The following STK4 variants were observed in gnomAD, a reference collection of about 807,000 sequenced individuals.
The protein encoded by STK4 is serine/threonine kinase 4.
In STK4, 30 loss-of-function variants were observed where a neutral mutation model predicts 64.9. The ratio of observed to expected loss-of-function variants is 0.46; its 90% CI spans 0.35 to 0.63. The LOEUF (loss-of-function observed/expected upper bound fraction) is 0.63, where lower values mean the gene tolerates loss of function less well. STK4 is among the 20% of genes least tolerant of loss of function. The probability of loss-of-function intolerance (pLI) is 0.01; values close to 1 mark genes in which losing one functional copy is unlikely to be tolerated. For synonymous variants in STK4, 177 were observed against 199.0 expected (o/e 0.89, Z 0.93); for missense variants, 466 against 598.5 (o/e 0.78, Z 2.31).
intron 3 of STK4, 53 bp downstream of exon 3, chr20:44,978,624 A>T (rs1371522277): frequency 2.5e-6 from 4 of 1,588,574 alleles, no homozygotes; most frequent in Non-Finnish European, 3.4e-6. Flanking sequence ...ATTAGCTATG[A>T]TTGTGTAGAG....
At chr20:45,033,452 C>T (rs1054931159) in intron 10 of STK4, among the ~76,000 whole-genome samples, 2 of 151,922 alleles carry the variant, frequency 1.3e-5, no homozygotes, top group Non-Finnish European at 2.9e-5. Context: ...TTTTTGTATA[C>T]GGTTTAAGGA....
In STK4 at chr20:44,997,225, G is replaced by A. The variant is rs2067748280; in HGVS notation, c.750G>A (p.Trp250Ter). 1.9e-6 allele frequency: 3 copies of A among 1,614,012 alleles called. No homozygotes were observed. Among genetic ancestry groups the A allele is most frequent in the Non-Finnish European group, 2.5e-6 (3 of 1,179,932 alleles). ...CCACATTCCGAAAACCAGAGCTATG[G>A]TCAGATAACTTTACAGATTTTGTGA... is the stretch of plus-strand genomic sequence containing the variant. ...PPPTFRKPEL[W>*]SDNFTDFVKQ... Residue 250 changes from tryptophan to a stop codon, truncating the protein, a stop_gained, in exon 7 of 11, where the codon TGG (tryptophan) becomes TGA (stop). Coordinates refer to ENST00000372806, the MANE Select transcript of STK4 (RefSeq NM_006282.5). LOFTEE classifies it high-confidence loss of function.
intron 2 of STK4, 42 bp downstream of exon 2, chr20:44,972,200 C>T: frequency 6.5e-7 from 1 of 1,536,632 alleles, no homozygotes; most frequent in Non-Finnish European, 9.0e-7. Context: ...GGGTCCCAGT[C>T]TTTTTCCTGC....
intron 10 of STK4, among the ~76,000 whole-genome samples, chr20:45,062,933 G>A (rs1347772994): frequency 1.6e-5 from 2 of 123,274 alleles, no homozygotes; most frequent in African/African-American, 6.3e-5. Context: ...CTCGTGATCC[G>A]CCCGCCTCGG....
intron 10 of STK4, among the ~76,000 whole-genome samples, chr20:45,027,430 C>CAAAA (rs35208496): frequency 2.5e-5 from 2 of 79,394 alleles, no homozygotes; most frequent in African/African-American, 9.5e-5. Flanking sequence ...AACTCCGTCT[C>CAAAA]AAAAAAAAAA....
chr20:45,019,219 C>T (rs1034420811), intron 9 of STK4, among the ~76,000 whole-genome samples: 20 of 152,158 alleles, frequency 1.3e-4, no homozygotes, highest in African/African-American at 4.8e-4. Flanking sequence ...GCCTCTCACC[C>T]CCAGGCAACC....
intron 2 of STK4, 86 bp downstream of exon 2, chr20:44,972,244 C>A: frequency 1.6e-6 from 2 of 1,241,334 alleles, no homozygotes; most frequent in South Asian, 1.3e-5. Flanking sequence ...AACCTTTCAG[C>A]ATTGTTCTAG....
In STK4 at chr20:45,079,002, A is replaced by G. The variant is rs570627528; in HGVS notation, c.*3826A>G. 1 of 152,206 alleles carries G rather than the reference A, an allele frequency of 6.6e-6. No individual in the cohort carries two copies. Among genetic ancestry groups the G allele is most frequent in the East Asian group, 1.9e-4 (1 of 5,176 alleles). 9.4% of individuals were successfully genotyped at this position (152,206 alleles called of 1,614,324 possible). On this transcript the variant is annotated 3_prime_UTR_variant, in exon 11 of 11. Coordinates refer to ENST00000372806, the MANE Select transcript of STK4 (RefSeq NM_006282.5). Reference sequence around the variant, plus strand: ...AGTACCAAAATTCATTCAAGAAGAAATAGATACCAGCCTGAGCAACATGGC... The same window carrying G: ...AGTACCAAAATTCATTCAAGAAGAAGTAGATACCAGCCTGAGCAACATGGC...
intron 10 of STK4, among the ~76,000 whole-genome samples, chr20:45,052,138 CT>C (rs1262798044): frequency 1.3e-5 from 2 of 152,106 alleles, no homozygotes; most frequent in Non-Finnish European, 2.9e-5. Flanking sequence ...TTATTTTCTT[CT>C]TTTTTGGTGT....
At chr20:45,018,897 T>A (rs1049591730) in intron 9 of STK4, among the ~76,000 whole-genome samples, 48 of 150,724 alleles carry the variant, frequency 3.2e-4, no homozygotes, top group African/African-American at 1.1e-3. Context: ...CCAGCTAATT[T>A]AAAAAAAAAA....
intron 9 of STK4, among the ~76,000 whole-genome samples, chr20:45,015,573 C>G (rs2068126292): frequency 6.6e-6 from 1 of 152,124 alleles, no homozygotes; most frequent in Non-Finnish European, 1.5e-5. Context: ...GTTATGCACC[C>G]CAAAACTAAA....
intron 5 of STK4, among the ~76,000 whole-genome samples, chr20:44,993,826 A>G (rs2067679182): frequency 6.6e-6 from 1 of 152,158 alleles, no homozygotes; most frequent in Non-Finnish European, 1.5e-5. Flanking sequence ...TAAAAATACA[A>G]AAATTAGTCG....
chr20:45,003,910 G>T (rs965080386), intron 9 of STK4, among the ~76,000 whole-genome samples: 1 of 151,446 alleles, frequency 6.6e-6, no homozygotes, highest in Admixed American at 6.6e-5. Flanking sequence ...GTAGAGATGG[G>T]GTTTCACCAT....
chr20:45,058,382 A>G (rs1978689644), intron 10 of STK4, among the ~76,000 whole-genome samples: 1 of 152,206 alleles, frequency 6.6e-6, no homozygotes, highest in African/African-American at 2.4e-5. Flanking sequence ...TTCCACGCTA[A>G]GAAATCCCCA....
chr20:45,067,246 T>A (rs1979655416), intron 10 of STK4, among the ~76,000 whole-genome samples: 1 of 152,172 alleles, frequency 6.6e-6, no homozygotes, highest in Non-Finnish European at 1.5e-5. Context: ...CAAAGGTGTG[T>A]TCTTTCCTCA....
At chr20:45,008,905 T>C (rs1360348742) in intron 9 of STK4, among the ~76,000 whole-genome samples, 1 of 152,112 alleles carries the variant, frequency 6.6e-6, no homozygotes, top group Non-Finnish European at 1.5e-5. Flanking sequence ...TTGATTTGTG[T>C]AAATTTTTTT....
At chr20:45,045,085 TTGAA>T (rs968784248) in intron 10 of STK4, among the ~76,000 whole-genome samples, 7 of 152,246 alleles carry the variant, frequency 4.6e-5, no homozygotes, top group Non-Finnish European at 8.8e-5. Context: ...AATTAACTCT[TTGAA>T]TGATGACAAA....
chr20:45,048,728 C>T (rs59159410), intron 10 of STK4, among the ~76,000 whole-genome samples: 4,288 of 152,236 alleles, frequency 0.028, 189 homozygotes, highest in African/African-American at 0.092. Flanking sequence ...GTGATCCATC[C>T]GCCTCGGCCT....
intron 9 of STK4, chr20:45,004,225 A>G (rs2067893245): frequency 6.6e-6 from 1 of 151,270 alleles, no homozygotes; most frequent in African/African-American, 2.4e-5. Context: ...CTTCCTGTGT[A>G]GCTGGGATTA....
Sources: gnomAD v4.1 joint callset for allele counts (sites outside exome capture counted in the v4.1 genomes callset) on GRCh38, gnomAD v4.1.1 for gene constraint, MANE v1.5 for transcripts, NCBI Gene and HGNC (gene_info 2026-07-23, HGNC 2026-07-21) for gene names.